Variants in OPHN1 observed in about 807,000 individuals in gnomAD.
OPHN1 encodes oligophrenin-1.
In OPHN1, 11 loss-of-function variants were observed where a neutral mutation model predicts 60.7. The ratio of observed to expected loss-of-function variants is 0.18; its 90% confidence interval spans 0.11 to 0.30. The LOEUF (loss-of-function observed/expected upper bound fraction) is 0.30. Ranked by LOEUF, OPHN1 falls within the 10% of genes least tolerant of loss-of-function variation. The pLI is 1.00. For missense variants in OPHN1, 449 were observed against 611.0 expected, an observed-to-expected ratio of 0.73 and a Z score of 2.80; for synonymous variants, 226 against 222.6, an observed-to-expected ratio of 1.02 and a Z score of -0.14.
At chrX:68,271,292 A>T (rs926376892) in intron 5 of OPHN1, among the ~76,000 whole-genome samples, 3 of 109,887 alleles carry the variant, frequency 2.7e-5, no homozygotes, top group Non-Finnish European at 5.7e-5. Context: ...TTGGGAGGCC[A>T]AGCCAGGAGG....
chrX:68,072,278 T>C (rs1369419499), intron 20 of OPHN1, among the ~76,000 whole-genome samples: 1 of 112,184 alleles, frequency 8.9e-6, no homozygotes, highest in Non-Finnish European at 1.9e-5. Context: ...CAATCTTAGA[T>C]AAATTTGGAA....
chrX:68,389,658 A>AG (rs1491127797), intron 2 of OPHN1, among the ~76,000 whole-genome samples: 14 of 22,250 alleles, frequency 6.3e-4, no homozygotes, highest in African/African-American at 8.2e-4. Context: ...GTGATTTAGT[A>AG]AAAAAAAAAA....
intron 3 of OPHN1, among the ~76,000 whole-genome samples, chrX:68,293,788 C>T (rs1470209848): frequency 8.9e-6 from 1 of 111,745 alleles, no homozygotes; most frequent in Non-Finnish European, 1.9e-5. Context: ...TATTCACTCT[C>T]AAGTGCCAGC....
At chrX:68,217,079 C>A (rs909093377) in intron 6 of OPHN1, among the ~76,000 whole-genome samples, 2 of 111,415 alleles carry the variant, frequency 1.8e-5, no homozygotes, top group African/African-American at 3.3e-5. Flanking sequence ...GCGCACCGTG[C>A]GCGAGCCGAA....
At chrX:68,219,345 C>T (rs1385908588) in intron 6 of OPHN1, among the ~76,000 whole-genome samples, 4 of 91,742 alleles carry the variant, frequency 4.4e-5, no homozygotes, top group African/African-American at 1.6e-4. Flanking sequence ...ACTTTAACAC[C>T]CCACTGTCAA....
chrX:68,238,340 G>A (rs896691972), intron 5 of OPHN1, among the ~76,000 whole-genome samples: 4 of 109,712 alleles, frequency 3.6e-5, no homozygotes, highest in African/African-American at 1.3e-4. Context: ...ACCAATATCC[G>A]ACTGTTTTCA....
chrX:68,213,410 T>G (rs28489772), intron 7 of OPHN1, among the ~76,000 whole-genome samples: 1 of 110,060 alleles, frequency 9.1e-6, no homozygotes, highest in Non-Finnish European at 1.9e-5. Context: ...GTAAATGGAA[T>G]GAAAAAACGT....
chrX:68,105,412 G>GCC (rs1389669061), intron 18 of OPHN1, among the ~76,000 whole-genome samples: 2 of 110,853 alleles, frequency 1.8e-5, no homozygotes, highest in African/African-American at 3.3e-5. Context: ...CAACACAAAT[G>GCC]CCCATCAGTG....
At chrX:68,230,783 T>A (rs867167763) in intron 6 of OPHN1, among the ~76,000 whole-genome samples, 35 of 25,704 alleles carry the variant, frequency 1.4e-3, no homozygotes, top group Admixed American at 2.5e-3. Flanking sequence ...GGGAGGGGGG[T>A]GGGATAGCAT....
At chrX:68,428,076 C>T (rs2078868431) in intron 2 of OPHN1, among the ~76,000 whole-genome samples, 1 of 111,253 alleles carries the variant, frequency 9.0e-6, no homozygotes, top group South Asian at 3.8e-4. Flanking sequence ...ATTTGCTGTC[C>T]CCTTTATATT....
rs769428988 is a variant in OPHN1, at chrX:68,365,979, C to CA, written c.155-66884dup. ...AGCTAGACTTCAGCAACTTTTTCTC[C>CA]AAAAAAAAAAAACAAATTCCTCCTA... On this transcript the variant is annotated intron_variant, in intron 2 of 24. Coordinates refer to ENST00000355520, the MANE Select transcript of OPHN1 (RefSeq NM_002547.3). 3.7e-3 allele frequency among the ~76,000 whole-genome samples: 340 copies of CA among 92,518 alleles called. 1 individual carries two copies. Among genetic ancestry groups the CA allele is most frequent in the African/African-American group, 8.6e-3 (222 of 25,687 alleles). The allele number at this position is 92,518 out of a possible 115,157, so 80.3% of individuals were successfully genotyped here.
chrX:68,395,438 TTCTCTC>T (rs917799748), intron 2 of OPHN1, among the ~76,000 whole-genome samples: 1 of 106,225 alleles, frequency 9.4e-6, no homozygotes, highest in Admixed American at 1.0e-4. Flanking sequence ...CCAGCTAATT[TTCTCTC>T]TCTCTTTTTT....
intron 6 of OPHN1, among the ~76,000 whole-genome samples, chrX:68,228,236 T>G (rs201922077): frequency 6.1e-4 from 55 of 89,519 alleles, no homozygotes; most frequent in Admixed American, 7.8e-4. Flanking sequence ...AATAGACTAA[T>G]AACAGGCTCT....
At chrX:68,395,448 CT>C (rs1267290343) in intron 2 of OPHN1, among the ~76,000 whole-genome samples, 203 of 99,863 alleles carry the variant, frequency 2.0e-3, no homozygotes, top group Middle Eastern at 5.2e-3. Context: ...TTCTCTCTCT[CT>C]TTTTTTTTTT....
intron 2 of OPHN1, among the ~76,000 whole-genome samples, chrX:68,347,458 T>C (rs1052674112): frequency 9.0e-6 from 1 of 110,824 alleles, no homozygotes; most frequent in Non-Finnish European, 1.9e-5. Flanking sequence ...GCTGTGACCA[T>C]AGGTGCACGC....
At chrX:68,374,190 C>T (rs992707826) in intron 2 of OPHN1, among the ~76,000 whole-genome samples, 2 of 108,861 alleles carry the variant, frequency 1.8e-5, no homozygotes, top group Admixed American at 1.0e-4. Context: ...ACCCCGTCTC[C>T]ACTAAAAATA....
intron 2 of OPHN1, among the ~76,000 whole-genome samples, chrX:68,404,775 C>G (rs2078733438): frequency 8.9e-6 from 1 of 111,929 alleles, no homozygotes; most frequent in Non-Finnish European, 1.9e-5. Context: ...CTGACACATG[C>G]TACGTGAAAG....
intron 2 of OPHN1, among the ~76,000 whole-genome samples, chrX:68,358,867 C>A (rs906008161): frequency 4.5e-5 from 5 of 111,807 alleles, no homozygotes; most frequent in Admixed American, 1.9e-4. Flanking sequence ...TGTCCCAAAT[C>A]ACACGACTGT....
chrX:68,069,342 C>T (rs1376658799), intron 20 of OPHN1, among the ~76,000 whole-genome samples: 2 of 111,639 alleles, frequency 1.8e-5, no homozygotes, highest in Non-Finnish European at 3.8e-5. Flanking sequence ...AACAAGTGGC[C>T]ACTGGCATAG....
Sources: allele counts gnomAD v4.1 joint callset (sites outside exome capture counted in the v4.1 genomes callset), GRCh38; gene constraint gnomAD v4.1.1; transcripts MANE v1.5; gene names NCBI Gene and HGNC (gene_info 2026-07-23, HGNC 2026-07-21).